Variants in FAM13B observed in about 807,000 individuals in gnomAD.
FAM13B encodes the protein protein FAM13B.
FAM13B carries 60 observed loss-of-function variants against 117.3 expected under a neutral mutation model. The observed-to-expected ratio is 0.51, with a 90% CI of 0.42 to 0.63. The LOEUF is 0.63. Among genes scored for constraint, FAM13B ranks in the 30% least tolerant of loss-of-function variants. The pLI is 0.00. For synonymous variants in FAM13B, 332 were observed against 356.1 expected, an observed-to-expected ratio of 0.93 and a Z score of 0.76; for missense variants, 972 against 1,091.9, an observed-to-expected ratio of 0.89 and a Z score of 1.55.
At chr5:137,995,421 A>G (rs1188642026) in intron 7 of FAM13B, among the ~76,000 whole-genome samples, 2 of 152,238 alleles carry the variant, frequency 1.3e-5, no homozygotes, top group African/African-American at 2.4e-5. Context: ...CATAAATTAT[A>G]AATATGAAAT....
chr5:137,963,251 A>C (rs1768690462), intron 10 of FAM13B, among the ~76,000 whole-genome samples: 1 of 152,254 alleles, frequency 6.6e-6, no homozygotes, highest in African/African-American at 2.4e-5. Context: ...ATGCTTCAAC[A>C]AAACAATGTA....
At chr5:138,016,463 A>C (rs1291729392) in intron 4 of FAM13B, among the ~76,000 whole-genome samples, 2 of 152,092 alleles carry the variant, frequency 1.3e-5, no homozygotes, top group African/African-American at 2.4e-5. Context: ...TGTCTCTACA[A>C]AACATAAAAA....
At chr5:138,026,277 G>A (rs923216809) in intron 1 of FAM13B, among the ~76,000 whole-genome samples, 4 of 152,018 alleles carry the variant, frequency 2.6e-5, no homozygotes, top group Non-Finnish European at 4.4e-5. Context: ...TTATTAAAAC[G>A]TATTGAGCTG....
upstream of FAM13B, chr5:138,036,153 A>G (rs1791138077): frequency 2.9e-6 from 1 of 340,652 alleles, no homozygotes; most frequent in East Asian, 7.6e-5. Flanking sequence ...CATCATTCTC[A>G]CTGTAGTTCT....
At chr5:138,035,989 A>T (rs1020646168), upstream of FAM13B, among the ~76,000 whole-genome samples, 3 of 152,030 alleles carry the variant, frequency 2.0e-5, no homozygotes, top group Non-Finnish European at 4.4e-5. Context: ...ACTTCTTTCC[A>T]CGCACCTCCA....
At chr5:137,964,034 C>A (rs533830844) in intron 10 of FAM13B, among the ~76,000 whole-genome samples, 10 of 152,178 alleles carry the variant, frequency 6.6e-5, no homozygotes, top group African/African-American at 2.4e-4. Context: ...ATAACCATTA[C>A]CCAGACCAAA....
chr5:137,967,938 T>C (rs1258985119), intron 10 of FAM13B, among the ~76,000 whole-genome samples: 1 of 151,616 alleles, frequency 6.6e-6, no homozygotes, highest in Non-Finnish European at 1.5e-5. Flanking sequence ...AAAATGTCAA[T>C]GTAGGCCAGG....
Position 138,019,029 on chromosome 5 carries a change from A to C in FAM13B, c.83T>G (p.Leu28Arg), listed in dbSNP as rs762133560. Residue 28 changes from leucine (L) to arginine (R), a missense_variant, in exon 3 of 24, where the codon CTG becomes CGG. Physicochemically the swap from Leu to Arg is moderately radical, Grantham distance 102 (BLOSUM62 -2). Transcript: ENST00000689681. ...NKIFGIPLDE[L>R]QQGGHPDNEV... ...ATTGTCTGGATGTCCTCCCTGCTGC[A>C]GCTCATCAAGTGGAATTCCAAATAT... 3.1e-6 allele frequency: 5 copies of C among 1,613,920 alleles called. No individual in the cohort carries two copies. The South Asian group carries it at 4.4e-5, about 14-fold the overall frequency.
rs565459970 is a variant in FAM13B, at chr5:138,042,840, C to T, written c.-203+9038G>A. ...GGCGCGGTGGGTCATGCCTATAATCCCAGCACTTTGGGAGGCTGAGGAGGG... is the reference window on the plus strand; with the variant it reads ...GGCGCGGTGGGTCATGCCTATAATCTCAGCACTTTGGGAGGCTGAGGAGGG... On this transcript the variant is annotated intron_variant, in intron 1 of 3. Coordinates refer to the FAM13B transcript ENST00000502471. Among the ~76,000 whole-genome samples the T allele has an allele frequency of 6.3e-4, 96 of 152,154 alleles. 1 individual carries two copies. The highest frequency in any genetic ancestry group is 2.2e-4 in the Non-Finnish European group (15 of 67,998).
intron 7 of FAM13B, among the ~76,000 whole-genome samples, chr5:138,003,155 T>C (rs1781701995): frequency 6.6e-6 from 1 of 152,126 alleles, no homozygotes; most frequent in Non-Finnish European, 1.5e-5. Flanking sequence ...TAAAAATAAG[T>C]TGCCAAATGA....
rs143665056 is a variant in FAM13B at position 138,013,694 on chromosome 5, C to A, written c.371-1749G>T. On this transcript the variant is annotated intron_variant, in intron 4 of 23. Transcript: ENST00000689681. The stretch of plus-strand genomic sequence containing the variant: ...TGGATTAATGTTTAAATCACTGGAC[C>A]TATAACTGATGAGAAATTTTAACAA... 2.5e-4 allele frequency among the ~76,000 whole-genome samples: 38 copies of A among 152,086 alleles called. No individual in the cohort carries two copies. In the East Asian group the frequency reaches 7.2e-3, roughly 29 times the overall value.
intron 1 of FAM13B, among the ~76,000 whole-genome samples, chr5:138,023,165 G>C (rs1332879174): frequency 1.3e-5 from 2 of 152,094 alleles, no homozygotes; most frequent in African/African-American, 4.8e-5. Context: ...TAGACAACCT[G>C]AAAGCATATT....
At chr5:138,024,955 C>G (rs938217269) in intron 1 of FAM13B, among the ~76,000 whole-genome samples, 1 of 151,916 alleles carries the variant, frequency 6.6e-6, no homozygotes, top group African/African-American at 2.4e-5. Context: ...ACTGCAACCT[C>G]TGTCTCCTGG....
intron 17 of FAM13B, among the ~76,000 whole-genome samples, chr5:137,951,215 A>AC (rs1213174116): frequency 6.7e-6 from 1 of 149,618 alleles, no homozygotes; most frequent in East Asian, 1.9e-4. Flanking sequence ...CAAACAAAAA[A>AC]AAAAAAAAAA....
At chr5:138,026,628 CAAAAAAA>C (rs56195021) in intron 1 of FAM13B, among the ~76,000 whole-genome samples, 5 of 29,438 alleles carry the variant, frequency 1.7e-4, no homozygotes, top group African/African-American at 6.0e-4. Context: ...GACCGTGTCT[CAAAAAAA>C]AAAAAAAAAA....
chr5:138,023,539 T>C (rs1661279526), intron 1 of FAM13B, among the ~76,000 whole-genome samples: 1 of 152,166 alleles, frequency 6.6e-6, no homozygotes, highest in African/African-American at 2.4e-5. Flanking sequence ...ATTATCACAA[T>C]TTATAGTATG....
chr5:137,940,743 T>A (rs965581677), intron 23 of FAM13B, among the ~76,000 whole-genome samples: 1 of 152,202 alleles, frequency 6.6e-6, no homozygotes, highest in African/African-American at 2.4e-5. Flanking sequence ...AAGTAAACTA[T>A]CTTATCTGCA....
intron 23 of FAM13B, among the ~76,000 whole-genome samples, chr5:137,941,368 G>C (rs958971412): frequency 6.6e-6 from 1 of 152,130 alleles, no homozygotes; most frequent in Non-Finnish European, 1.5e-5. Context: ...TGAGATAACT[G>C]AACCCAAACT....
intron 9 of FAM13B, 24 bp from the exon 10 acceptor site, chr5:137,985,413 G>C: frequency 6.2e-7 from 1 of 1,610,838 alleles, no homozygotes; most frequent in South Asian, 1.1e-5. Context: ...TTAAAAATCA[G>C]ATCAGGCCAA....
Sources: allele counts gnomAD v4.1 joint callset (sites outside exome capture counted in the v4.1 genomes callset), GRCh38; gene constraint gnomAD v4.1.1; transcripts MANE v1.5; gene names NCBI Gene and HGNC (gene_info 2026-07-23, HGNC 2026-07-21).